The following MED12L variants were observed in gnomAD, a reference collection of about 807,000 sequenced individuals.
MED12L encodes mediator complex subunit 12L, also known as mediator of RNA polymerase II transcription subunit 12-like protein.
MED12L carries 60 observed loss-of-function variants against 281.3 expected under a neutral mutation model. That is an observed-to-expected ratio of 0.21 (90% CI 0.17 to 0.26). The LOEUF (loss-of-function observed/expected upper bound fraction) is 0.26. MED12L is among the 10% of genes least tolerant of loss of function. The pLI, the probability that MED12L is intolerant of heterozygous loss-of-function variation, is 1.00. For synonymous variants in MED12L, 974 were observed against 987.2 expected (o/e 0.99, Z 0.25); for missense variants, 2,146 against 2,680.9 (o/e 0.80, Z 4.41).
At chr3:151,364,915 G>A in intron 21 of MED12L, 64 bp from the exon 22 acceptor site, 1 of 1,170,226 alleles carries the variant, frequency 8.5e-7, no homozygotes, top group Non-Finnish European at 1.3e-6. Flanking sequence ...GTCCTTAAGT[G>A]AAATAGTTTT....
At chr3:151,396,576 A>G (rs534260713) in intron 39 of MED12L, among the ~76,000 whole-genome samples, 6 of 152,332 alleles carry the variant, frequency 3.9e-5, no homozygotes, top group African/African-American at 1.4e-4. Flanking sequence ...CAGTGAGCCG[A>G]GATCACGCCA....
At chr3:151,289,249 G>A (rs1743940788) in intron 16 of MED12L, among the ~76,000 whole-genome samples, 1 of 152,184 alleles carries the variant, frequency 6.6e-6, no homozygotes, top group Non-Finnish European at 1.5e-5. Context: ...CCCAGAGTAA[G>A]TGATGCTGAC....
chr3:151,386,525 G>T (rs2108189849), intron 36 of MED12L, among the ~76,000 whole-genome samples: 1 of 151,018 alleles, frequency 6.6e-6, no homozygotes, highest in African/African-American at 2.4e-5. Flanking sequence ...GAGTACCTGG[G>T]ATTACAGACA....
chr3:151,290,701 C>T (rs1450198981), intron 16 of MED12L, among the ~76,000 whole-genome samples: 2 of 151,398 alleles, frequency 1.3e-5, no homozygotes, highest in African/African-American at 4.9e-5. Flanking sequence ...TCAAGCATTT[C>T]CATATTACAC....
intron 16 of MED12L, among the ~76,000 whole-genome samples, chr3:151,218,866 C>T (rs74877787): frequency 4.2e-5 from 3 of 71,334 alleles, no homozygotes; most frequent in Non-Finnish European, 8.4e-5. Flanking sequence ...GACTCAGTCT[C>T]AAAAAAAAAA....
chr3:151,103,543 A>C (rs1212657360), intron 2 of MED12L, among the ~76,000 whole-genome samples: 2 of 152,158 alleles, frequency 1.3e-5, no homozygotes, highest in Non-Finnish European at 2.9e-5. Flanking sequence ...ATCTAAATTG[A>C]ATTTACTGAG....
chr3:151,213,112 C>T, intron 16 of MED12L: 1 of 471,756 alleles, frequency 2.1e-6, no homozygotes, highest in Non-Finnish European at 3.7e-6. Context: ...AGAGAAATTA[C>T]TGATGGGTAT....
At chr3:151,244,062 G>T (rs1261548753) in intron 16 of MED12L, among the ~76,000 whole-genome samples, 1 of 112,144 alleles carries the variant, frequency 8.9e-6, no homozygotes, top group African/African-American at 2.8e-5. Flanking sequence ...AACAAGAAGA[G>T]CTAACTCTCC....
At chr3:151,327,297 AAGG>A (rs1749729328) in intron 16 of MED12L, 1 of 152,250 alleles carries the variant, frequency 6.6e-6, no homozygotes, top group African/African-American at 2.4e-5. Context: ...TGCTGGACAG[AAGG>A]AGAATTCCAA....
chr3:151,300,064 T>G (rs775855827), intron 16 of MED12L: 1 of 1,591,070 alleles, frequency 6.3e-7, no homozygotes, highest in Admixed American at 1.7e-5. Flanking sequence ...TACGACGGCT[T>G]ACTTGGTAAT....
At chr3:151,391,730 A>G (rs1209212939) in intron 38 of MED12L, among the ~76,000 whole-genome samples, 2 of 152,228 alleles carry the variant, frequency 1.3e-5, no homozygotes, top group Non-Finnish European at 2.9e-5. Context: ...AGACTTGCTT[A>G]TATCTTACTT....
chr3:151,380,341 AATC>A (rs1712035688), intron 32 of MED12L, 117 bp downstream of exon 32: 1 of 660,336 alleles, frequency 1.5e-6, no homozygotes, highest in Admixed American at 3.5e-5. Context: ...TCATGCCTGT[AATC>A]CCAGCACTTT....
rs758759843 is a variant in MED12L at position 151,086,935 on chromosome 3, C to T, written c.9C>T (p.Ala3=). The change falls in exon 2 of 45, where the codon GCC becomes GCT. Residue 3 remains alanine (A), a synonymous_variant. Coordinates refer to ENST00000687756, the MANE Select transcript of MED12L (RefSeq NM_001393769.1). ...GGTTAACATGAGAGATCATGGCCGC[C>T]TTCGGGCTTCTCAGCTATGAGCAGA... MA[A]FGLLSYEQRP... 1.9e-6 allele frequency: 3 copies of T among 1,598,784 alleles called. No individual in the cohort carries two copies. The highest frequency in any genetic ancestry group is 2.3e-5 in the South Asian group (2 of 88,806).
chr3:151,364,510 T>C (rs1755043262), intron 21 of MED12L, among the ~76,000 whole-genome samples: 2 of 152,160 alleles, frequency 1.3e-5, no homozygotes, highest in African/African-American at 4.8e-5. Flanking sequence ...GTCTCCAGAA[T>C]AGTCTTGGCA....
In MED12L at chr3:151,329,449, G is replaced by C; in HGVS notation, c.2251-20610G>C. 3.5e-6 allele frequency: 5 copies of C among 1,412,648 alleles called. 1 individual carries two copies. The South Asian group carries it at 6.3e-5, about 18-fold the overall frequency. 87.5% of individuals were successfully genotyped at this position (1,412,648 alleles called of 1,614,324 possible). On this transcript the variant is annotated intron_variant, in intron 16 of 44. Coordinates refer to ENST00000687756, the MANE Select transcript of MED12L (RefSeq NM_001393769.1). ...TAAGCATATTCTTTTATATAAGCAA[G>C]CACACTCATAATAACAAAAATTGAA...
intron 2 of MED12L, among the ~76,000 whole-genome samples, chr3:151,106,025 C>A (rs1721970440): frequency 6.6e-6 from 1 of 152,066 alleles, no homozygotes; most frequent in Non-Finnish European, 1.5e-5. Flanking sequence ...CCATTTCTTC[C>A]TTCTCTTTAC....
chr3:151,306,608 G>A (rs947828340), intron 16 of MED12L, among the ~76,000 whole-genome samples: 1 of 152,222 alleles, frequency 6.6e-6, no homozygotes, highest in Non-Finnish European at 1.5e-5. Context: ...TCCACACAGA[G>A]CCAGCCTGCT....
chr3:151,324,402 G>A (rs1484425199), intron 16 of MED12L, among the ~76,000 whole-genome samples: 1 of 152,122 alleles, frequency 6.6e-6, no homozygotes, highest in Non-Finnish European at 1.5e-5. Context: ...GGGTCAGGGA[G>A]CATGGGGGTG....
chr3:151,230,217 G>A (rs565573022), intron 16 of MED12L, among the ~76,000 whole-genome samples: 6 of 152,266 alleles, frequency 3.9e-5, no homozygotes, highest in South Asian at 2.1e-4. Context: ...CTTGTGATCC[G>A]CAAGTCTCGG....
Sources: allele counts gnomAD v4.1 joint callset (sites outside exome capture counted in the v4.1 genomes callset), GRCh38; gene constraint gnomAD v4.1.1; transcripts MANE v1.5; gene names NCBI Gene and HGNC (gene_info 2026-07-23, HGNC 2026-07-21).